The following APOLD1 variants were observed in gnomAD, a reference collection of about 807,000 sequenced individuals.
APOLD1 encodes the protein apolipoprotein L domain containing 1.
In APOLD1, 22 loss-of-function variants were observed where a neutral mutation model predicts 15.3. The ratio of observed to expected loss-of-function variants is 1.44; its 90% CI spans 1.03 to 2.05. The LOEUF is 2.05. Ranked by LOEUF, APOLD1 falls within the 30% of genes most tolerant of loss-of-function variation. APOLD1 has a pLI of 0.00. For synonymous variants in APOLD1, 190 were observed against 167.4 expected (o/e 1.13, Z -1.04); for missense variants, 394 against 353.5 (o/e 1.11, Z -0.92).
At chr12:12,737,303 A>T (rs1252558874) in intron 1 of APOLD1, among the ~76,000 whole-genome samples, 2 of 151,870 alleles carry the variant, frequency 1.3e-5, no homozygotes, top group Non-Finnish European at 2.9e-5. Flanking sequence ...TTGGCCACTG[A>T]CTCCACAGGA....
intron 1 of APOLD1, among the ~76,000 whole-genome samples, chr12:12,731,744 G>C (rs1946643049): frequency 6.6e-6 from 1 of 152,212 alleles, no homozygotes; most frequent in Non-Finnish European, 1.5e-5. Context: ...GAGGCACTCA[G>C]ATACAAAGAC....
intron 1 of APOLD1, 124 bp from the exon 2 acceptor site, chr12:12,786,785 C>T: frequency 3.1e-6 from 4 of 1,302,900 alleles, no homozygotes; most frequent in Non-Finnish European, 3.9e-6. Context: ...AGACCCGTTC[C>T]CCTAGCGTGG....
At chr12:12,776,896 A>G (rs569406730) in intron 1 of APOLD1, among the ~76,000 whole-genome samples, 161 of 152,352 alleles carry the variant, frequency 1.1e-3, no homozygotes, top group Admixed American at 1.6e-3. Flanking sequence ...TAACAAATCA[A>G]TATAAGACTA....
rs551964120 is a variant in APOLD1 at position 12,742,800 on chromosome 12, T to C, written c.96+16704T>C. On this transcript the variant is annotated intron_variant, in intron 1 of 1. Transcript: ENST00000326765. ...AAAGGCCCTGGTCAGGGTCTCACTC[T>C]GTCACCCAGGCTGGAGTGCAGTGGC... Among the ~76,000 whole-genome samples the C allele has an allele frequency of 1.6e-4, 24 of 150,610 alleles. 1 individual carries two copies. The highest frequency in any genetic ancestry group is 5.6e-4 in the African/African-American group (23 of 41,066).
intron 1 of APOLD1, among the ~76,000 whole-genome samples, chr12:12,730,080 G>C (rs111725348): frequency 1.7e-5 from 1 of 57,304 alleles, no homozygotes; most frequent in Non-Finnish European, 3.2e-5. Context: ...GTGTGTGTGA[G>C]AGAGAGAGAG....
upstream of APOLD1, among the ~76,000 whole-genome samples, chr12:12,782,257 T>A (rs557265113): frequency 9.0e-4 from 107 of 119,132 alleles, no homozygotes; most frequent in South Asian, 0.012. Flanking sequence ...AGACTCCGTC[T>A]CAAACAAACA....
chr12:12,782,246 A>G (rs377159003), upstream of APOLD1, among the ~76,000 whole-genome samples: 3 of 147,464 alleles, frequency 2.0e-5, no homozygotes, highest in East Asian at 6.0e-4. Context: ...GCAACAGAGC[A>G]AGACTCCGTC....
At chr12:12,770,396 C>A (rs1369212969) in intron 1 of APOLD1, among the ~76,000 whole-genome samples, 2 of 152,040 alleles carry the variant, frequency 1.3e-5, no homozygotes, top group Non-Finnish European at 2.9e-5. Context: ...CAGAGCGAGA[C>A]TTCATCTCAA....
At chr12:12,772,199 A>T (rs1376665922) in intron 1 of APOLD1, among the ~76,000 whole-genome samples, 1 of 152,228 alleles carries the variant, frequency 6.6e-6, no homozygotes, top group Non-Finnish European at 1.5e-5. Context: ...AAAGAAAGAG[A>T]TTGTCAGACT....
chr12:12,783,956 A>C (rs1947105961), upstream of APOLD1, among the ~76,000 whole-genome samples: 1 of 152,206 alleles, frequency 6.6e-6, no homozygotes, highest in Non-Finnish European at 1.5e-5. Context: ...TTTTATGGGC[A>C]GTAAAACTTT....
chr12:12,777,903 T>G (rs1947048735), intron 1 of APOLD1, among the ~76,000 whole-genome samples: 1 of 27,690 alleles, frequency 3.6e-5, no homozygotes. Context: ...TTTTTTTTTT[T>G]TTTTTTTTTT....
Position 12,738,202 on chromosome 12 carries a change from C to CTTTT in APOLD1, c.96+12123_96+12126dup, listed in dbSNP as rs71436733. ...CCATACTCACCAGAGCAAGCAAGTC[C>CTTTT]TTTTTTTTTTTTTTTTTTTTAAGAC... is the stretch of plus-strand genomic sequence containing the variant. On this transcript the variant is annotated intron_variant, in intron 1 of 1. Transcript: ENST00000326765. Among the ~76,000 whole-genome samples the CTTTT allele has an allele frequency of 2.4e-3, 286 of 117,548 alleles. 5 individuals carry two copies. Among genetic ancestry groups the CTTTT allele is most frequent in the Admixed American group, 6.2e-3 (64 of 10,286 alleles). The allele number at this position is 117,548 out of a possible 152,430, so 77.1% of individuals were successfully genotyped here.
intron 1 of APOLD1, among the ~76,000 whole-genome samples, chr12:12,729,132 C>CT (rs2136365784): frequency 1.3e-5 from 2 of 151,996 alleles, no homozygotes; most frequent in East Asian, 1.9e-4. Context: ...CCCTTTACTC[C>CT]TTTTTTTCCC....
intron 1 of APOLD1, among the ~76,000 whole-genome samples, chr12:12,751,453 G>A (rs1287798453): frequency 6.6e-6 from 1 of 151,850 alleles, no homozygotes; most frequent in African/African-American, 2.4e-5. Context: ...CGAGCTCAAG[G>A]GATCCTCTTG....
At chr12:12,776,193 G>A (rs1947032523) in intron 1 of APOLD1, among the ~76,000 whole-genome samples, 1 of 152,162 alleles carries the variant, frequency 6.6e-6, no homozygotes, top group African/African-American at 2.4e-5. Flanking sequence ...AAGAAAACAA[G>A]TATCCAACAT....
intron 1 of APOLD1, among the ~76,000 whole-genome samples, chr12:12,728,805 A>C (rs1946615271): frequency 6.6e-6 from 1 of 152,180 alleles, no homozygotes; most frequent in East Asian, 1.9e-4. Flanking sequence ...GCAGAGCCTC[A>C]CTGCGACTCT....
At chr12:12,777,631 C>G (rs11055063) in intron 1 of APOLD1, among the ~76,000 whole-genome samples, 2 of 151,414 alleles carry the variant, frequency 1.3e-5, no homozygotes, top group African/African-American at 4.9e-5. Flanking sequence ...ATCTGAAATC[C>G]GAAATGTTCC....
chr12:12,762,547 G>A (rs1428735828), intron 1 of APOLD1, among the ~76,000 whole-genome samples: 2 of 151,878 alleles, frequency 1.3e-5, no homozygotes, highest in African/African-American at 2.4e-5. Context: ...TAGAGATGGG[G>A]TTTCACCATG....
chr12:12,787,660 C>G lies in APOLD1; in HGVS notation c.*8C>G, dbSNP rs1467617611. The G allele has an allele frequency of 1.3e-6, 2 of 1,575,772 alleles. No individual in the cohort carries two copies. Among genetic ancestry groups the G allele is most frequent in the South Asian group, 2.3e-5 (2 of 88,260 alleles). On this transcript the variant is annotated 3_prime_UTR_variant, in exon 2 of 2. Transcript: ENST00000356591. This position sits in a 1 kb window ranked among gnomAD's most constrained non-coding sequence, Gnocchi z 4.9. ...GCAGGGCTGTTTTTCTGAGAACATC[C>G]TTTCCCCCTAATGACCGAGGCCAGC... is the stretch of plus-strand genomic sequence containing the variant.
Sources: allele counts gnomAD v4.1 joint callset (sites outside exome capture counted in the v4.1 genomes callset), GRCh38; gene constraint gnomAD v4.1.1; non-coding constraint Gnocchi (gnomAD v3.1); transcripts MANE v1.5; gene names NCBI Gene and HGNC (gene_info 2026-07-23, HGNC 2026-07-21).